Variants in HDAC4 observed in about 807,000 individuals in gnomAD.
HDAC4 encodes the protein histone deacetylase A.
Under a neutral mutation model 135.1 loss-of-function variants are expected in HDAC4, and 16 were observed. That is an observed-to-expected ratio of 0.12 (90% confidence interval 0.08 to 0.18). HDAC4 has a LOEUF of 0.18. HDAC4 is among the 10% of genes least tolerant of loss of function. The pLI, the probability that HDAC4 is intolerant of heterozygous loss-of-function variation, is 1.00. For missense variants in HDAC4, 1,143 were observed against 1,511.8 expected (o/e 0.76, Z 4.05); for synonymous variants, 685 against 653.4 (o/e 1.05, Z -0.74).
chr2:239,229,278 G>C (rs2047411646), intron 3 of HDAC4, among the ~76,000 whole-genome samples: 1 of 152,234 alleles, frequency 6.6e-6, no homozygotes, highest in Admixed American at 6.5e-5. Flanking sequence ...ATGGCCTCCA[G>C]GAGTAACGCT....
intron 11 of HDAC4, among the ~76,000 whole-genome samples, chr2:239,131,897 G>A (rs1436886347): frequency 1.3e-5 from 2 of 152,240 alleles, no homozygotes; most frequent in African/African-American, 2.4e-5. Flanking sequence ...GCTCTAGACA[G>A]CGTGGGGGCC....
rs557994045 is a variant in HDAC4, at chr2:239,285,614, G to A, written c.23-48950C>T. Among the ~76,000 whole-genome samples the A allele has an allele frequency of 1.1e-4, 16 of 152,302 alleles. No individual in the cohort carries two copies. Among genetic ancestry groups the A allele is most frequent in the South Asian group, 4.1e-4 (2 of 4,830 alleles). ...ACTAGAAACTTCCTCTTCTGGGGAC[G>A]TGGCAGACAAGTCATCTTACAGGCT... On this transcript the variant is annotated intron_variant, in intron 2 of 26. Transcript: ENST00000543185. The surrounding 1 kb of genome is among the most constrained non-coding windows in gnomAD (Gnocchi z 4.5).
intron 1 of HDAC4, among the ~76,000 whole-genome samples, chr2:239,375,562 A>G (rs985083865): frequency 6.6e-6 from 1 of 152,206 alleles, no homozygotes; most frequent in African/African-American, 2.4e-5. Flanking sequence ...CGTCCACAGG[A>G]TGGCACTCAC....
At chr2:239,088,970 G>A (rs1422960600) in intron 18 of HDAC4, among the ~76,000 whole-genome samples, 1 of 152,170 alleles carries the variant, frequency 6.6e-6, no homozygotes, top group Non-Finnish European at 1.5e-5. Flanking sequence ...CCAACGCACG[G>A]TGCTACCAAT....
chr2:239,187,520 T>C (rs2153037166), intron 4 of HDAC4, among the ~76,000 whole-genome samples: 1 of 152,342 alleles, frequency 6.6e-6, no homozygotes, highest in African/African-American at 2.4e-5. Flanking sequence ...CCGCGCCTTC[T>C]GCCTGGCATG....
At chr2:239,132,042 G>T (rs1029430727) in intron 11 of HDAC4, among the ~76,000 whole-genome samples, 19 of 152,272 alleles carry the variant, frequency 1.2e-4, no homozygotes, top group Admixed American at 2.6e-4. Context: ...TCATGGCGGG[G>T]CTGGGGGAGG....
Position 239,068,540 on chromosome 2 carries a change from C to T in HDAC4, c.2818G>A (p.Ala940Thr), listed in dbSNP as rs1284934130. 1.9e-6 allele frequency: 3 copies of T among 1,613,926 alleles called. No homozygotes were observed. Residue 940 changes from alanine (A) to threonine (T), a missense_variant, in exon 23 of 27, where the codon GCC becomes ACC. This residue lies in a region of HDAC4 where 189 missense variants were observed against 317.6 expected (regional missense o/e 0.60). Transcript: ENST00000543185. This position sits in a 1 kb window ranked among gnomAD's most constrained non-coding sequence, Gnocchi z 4.4. Reference protein sequence around the residue: ...DVVLVSSGFDAVEGHPTPLGG... With the variant: ...DVVLVSSGFDTVEGHPTPLGG... ...AGAGGGGTGGGGTGGCCCTCCACGG[C>T]ATCGAAGCCTGATGACACCAGCACC...
chr2:239,295,781 T>G (rs1024394113), intron 2 of HDAC4, among the ~76,000 whole-genome samples: 2 of 152,208 alleles, frequency 1.3e-5, no homozygotes, highest in Non-Finnish European at 2.9e-5. Context: ...CAATGACTTT[T>G]GCACAAACAG....
intron 2 of HDAC4, among the ~76,000 whole-genome samples, chr2:239,244,699 C>T (rs1283526549): frequency 1.3e-5 from 2 of 152,184 alleles, no homozygotes; most frequent in Non-Finnish European, 2.9e-5. Context: ...CCTGAACCCC[C>T]AGAGGGGTCT....
chr2:239,219,732 A>C (rs964746134), intron 3 of HDAC4, among the ~76,000 whole-genome samples: 17 of 152,270 alleles, frequency 1.1e-4, no homozygotes, highest in African/African-American at 4.1e-4. Flanking sequence ...TGAAATGTGC[A>C]ATCGAGATAT....
chr2:239,250,353 G>C (rs1449490510), intron 2 of HDAC4, among the ~76,000 whole-genome samples: 1 of 152,248 alleles, frequency 6.6e-6, no homozygotes, highest in Non-Finnish European at 1.5e-5. Context: ...TGGCTCCCCA[G>C]AGATCCCGGG....
rs1040024269 is a variant in HDAC4 at position 239,309,666 on chromosome 2, G to C, written c.22+43012C>G. Among the ~76,000 whole-genome samples, 25 of 152,354 alleles carry C rather than the reference G, an allele frequency of 1.6e-4. No homozygotes were observed. Among genetic ancestry groups the C allele is most frequent in the African/African-American group, 5.3e-4 (22 of 41,598 alleles). ...GGGAGAAGATGGAGGTCAAGTCATA[G>C]GGCCTCCACCGCAGGCAGAGCTCCG... On this transcript the variant is annotated intron_variant, in intron 2 of 26. Transcript: ENST00000543185. The surrounding 1 kb of genome is among the most constrained non-coding windows in gnomAD (Gnocchi z 4.2).
intron 1 of HDAC4, among the ~76,000 whole-genome samples, chr2:239,381,710 G>A (rs1211325492): frequency 4.6e-5 from 7 of 152,122 alleles, no homozygotes; most frequent in African/African-American, 1.4e-4. Flanking sequence ...CATTTGCGAC[G>A]GACAATTCAT....
At chr2:239,163,715 A>G (rs2042960195) in intron 6 of HDAC4, 88 bp downstream of exon 6, 2 of 1,355,374 alleles carry the variant, frequency 1.5e-6, no homozygotes, top group Admixed American at 1.7e-5. Context: ...TCCGGTGAAG[A>G]GCTGGCTCCA....
chr2:239,335,605 G>C (rs1464212422), intron 2 of HDAC4, among the ~76,000 whole-genome samples: 1 of 150,386 alleles, frequency 6.6e-6, no homozygotes, highest in Non-Finnish European at 1.5e-5. Context: ...TTCATAGCCA[G>C]TGTACAGAAA....
At chr2:239,085,717 A>C (rs2035866408) in intron 19 of HDAC4, 1 of 152,220 alleles carries the variant, frequency 6.6e-6, no homozygotes, top group Non-Finnish European at 1.5e-5. Flanking sequence ...CTCCCTGTAC[A>C]CGAAGGACAC....
At chr2:239,275,042 G>T (rs2050272944) in intron 2 of HDAC4, among the ~76,000 whole-genome samples, 1 of 152,264 alleles carries the variant, frequency 6.6e-6, no homozygotes, top group South Asian at 2.1e-4. Context: ...TCCCAGAGCT[G>T]CGAATATGTG....
At chr2:239,120,389 A>ACAGACG (rs1451061206) in intron 12 of HDAC4, among the ~76,000 whole-genome samples, 1 of 149,998 alleles carries the variant, frequency 6.7e-6, no homozygotes, top group Non-Finnish European at 1.5e-5. Context: ...AGAGGCACAC[A>ACAGACG]CAGACGCACA....
chr2:239,096,590 C>T (rs1384278185), intron 16 of HDAC4, among the ~76,000 whole-genome samples: 2 of 65,524 alleles, frequency 3.1e-5, no homozygotes, highest in African/African-American at 1.2e-4. Flanking sequence ...AACACCTGCA[C>T]CCCCCACGAA....
Sources: gnomAD v4.1 joint callset for allele counts (sites outside exome capture counted in the v4.1 genomes callset) on GRCh38, gnomAD v4.1.1 for gene constraint, gnomAD v4.1.1 regional missense constraint, Gnocchi (gnomAD v3.1) non-coding constraint, MANE v1.5 for transcripts, NCBI Gene and HGNC (gene_info 2026-07-23, HGNC 2026-07-21) for gene names.